COA1: variants seen among roughly 807,000 people sequenced by gnomAD.
The protein encoded by COA1 is cytochrome c oxidase assembly factor 1.
In COA1, 13 loss-of-function variants were observed where a neutral mutation model predicts 16.0. The observed-to-expected ratio is 0.81, with a 90% CI of 0.53 to 1.29. COA1 has a LOEUF of 1.29. Ranked by LOEUF, COA1 falls within the 50% of genes most tolerant of loss-of-function variation. The pLI is 0.00. For synonymous variants in COA1, 65 were observed against 65.7 expected (o/e 0.99, Z 0.05); for missense variants, 179 against 177.0 (o/e 1.01, Z -0.06).
At chr7:43,624,013 T>C (rs2084215046) in intron 6 of COA1, 16 of 630,306 alleles carry the variant, frequency 2.5e-5, no homozygotes, top group Admixed American at 4.0e-5. Context: ...TAAAACACCA[T>C]AATGGAAACA....
intron 1 of COA1, among the ~76,000 whole-genome samples, chr7:43,697,457 C>T (rs995780080): frequency 4.6e-5 from 7 of 151,946 alleles, no homozygotes; most frequent in Admixed American, 4.6e-4. Context: ...CCATTCCCAG[C>T]TAATTTTTGT....
chr7:43,683,598 C>T (rs1009028461), intron 1 of COA1, among the ~76,000 whole-genome samples: 1 of 151,958 alleles, frequency 6.6e-6, no homozygotes, highest in East Asian at 1.9e-4. Context: ...TGCGCCACTG[C>T]ACTCCAGCCT....
At chr7:43,635,445 C>T (rs753683673), downstream of COA1, among the ~76,000 whole-genome samples, 37 of 152,192 alleles carry the variant, frequency 2.4e-4, no homozygotes, top group Middle Eastern at 3.4e-3. Flanking sequence ...GTCAGCTGTC[C>T]GAGCCCCCAA....
chr7:43,721,543 T>G (rs1319494045), intron 1 of COA1, among the ~76,000 whole-genome samples: 1 of 152,160 alleles, frequency 6.6e-6, no homozygotes, highest in Non-Finnish European at 1.5e-5. Context: ...ATTAAATCCC[T>G]AATAAAGAGG....
chr7:43,653,306 C>T (rs1249179662), intron 1 of COA1, among the ~76,000 whole-genome samples: 2 of 148,088 alleles, frequency 1.4e-5, no homozygotes, highest in African/African-American at 4.9e-5. Flanking sequence ...AGCGACACTC[C>T]GTCTCAAACA....
intron 1 of COA1, among the ~76,000 whole-genome samples, chr7:43,662,468 GATCC>G (rs1248644700): frequency 1.3e-5 from 2 of 152,132 alleles, no homozygotes; most frequent in Non-Finnish European, 2.9e-5. Context: ...CTGACCTCGT[GATCC>G]ATCCACCTCA....
rs555876649 is a variant in COA1 at position 43,705,882 on chromosome 7, C to T, written c.-39+23547G>A. On this transcript the variant is annotated intron_variant, in intron 1 of 5. Coordinates refer to ENST00000223336, the MANE Select transcript of COA1 (RefSeq NM_018224.4). ...ATCCCTAGGAGCGACTCAGGGCCAG[C>T]GACAAACCGACAAACCGTGGTGCTT... is the stretch of plus-strand genomic sequence containing the variant. Among the ~76,000 whole-genome samples the T allele has an allele frequency of 1.4e-4, 22 of 152,308 alleles. No homozygotes were observed. The East Asian group carries it at 2.7e-3, about 19-fold the overall frequency.
chr7:43,640,306 T>C (rs374502167), intron 5 of COA1, among the ~76,000 whole-genome samples: 1 of 152,208 alleles, frequency 6.6e-6, no homozygotes, highest in Non-Finnish European at 1.5e-5. Context: ...CAAATTATGA[T>C]AGACCCAGAT....
chr7:43,647,384 G>A (rs1451547886), intron 3 of COA1, 151 bp downstream of exon 3: 7 of 663,300 alleles, frequency 1.1e-5, no homozygotes, highest in Non-Finnish European at 1.9e-5. Flanking sequence ...TACAGAGGAA[G>A]CTATAGCCAA....
intron 1 of COA1, among the ~76,000 whole-genome samples, chr7:43,722,758 A>T (rs2095535807): frequency 6.6e-6 from 1 of 152,224 alleles, no homozygotes; most frequent in African/African-American, 2.4e-5. Context: ...GTGCATAAAC[A>T]GGGAAAGTTG....
intron 6 of COA1, among the ~76,000 whole-genome samples, chr7:43,633,910 A>G (rs1400132649): frequency 6.6e-6 from 1 of 152,002 alleles, no homozygotes; most frequent in Non-Finnish European, 1.5e-5. Flanking sequence ...TACCAATTGC[A>G]GTCTGTTTTC....
At chr7:43,623,354 C>T (rs2084122337) in intron 6 of COA1, 1 of 505,822 alleles carries the variant, frequency 2.0e-6, no homozygotes, top group South Asian at 2.7e-5. Context: ...ATACTAGGGA[C>T]TCAACAATGG....
At chr7:43,726,893 AAAG>A (rs2095627516) in intron 1 of COA1, among the ~76,000 whole-genome samples, 1 of 152,248 alleles carries the variant, frequency 6.6e-6, no homozygotes. Context: ...ACATTTCTCC[AAAG>A]AAGATAAATA....
chr7:43,645,882 A>T (rs2089146663), intron 3 of COA1: 1 of 154,462 alleles, frequency 6.5e-6, no homozygotes, highest in Non-Finnish European at 1.4e-5. Flanking sequence ...AAATAGAAAG[A>T]CCACAACATT....
chr7:43,709,293 T>G (rs150014468), intron 1 of COA1, among the ~76,000 whole-genome samples: 2,103 of 152,300 alleles, frequency 0.014, 38 homozygotes, highest in African/African-American at 0.048. Context: ...CCCAAAGTGC[T>G]GGGATTACAG....
intron 5 of COA1, 55 bp from the exon 6 acceptor site, chr7:43,639,736 CG>C: frequency 7.1e-7 from 1 of 1,416,578 alleles, no homozygotes; most frequent in Non-Finnish European, 9.8e-7. Flanking sequence ...AGGCAACAGC[CG>C]TAGTCAAAAA....
intron 1 of COA1, among the ~76,000 whole-genome samples, chr7:43,711,973 A>G (rs891814974): frequency 6.6e-6 from 1 of 152,154 alleles, no homozygotes; most frequent in East Asian, 1.9e-4. Flanking sequence ...CACTACCCCT[A>G]TTAAAACACG....
chr7:43,628,064 G>A (rs531737536), intron 6 of COA1, among the ~76,000 whole-genome samples: 21 of 152,270 alleles, frequency 1.4e-4, no homozygotes, highest in African/African-American at 5.1e-4. Flanking sequence ...TTGGCTCACT[G>A]CAACCTCCAC....
chr7:43,651,699 A>G (rs1436090190), intron 1 of COA1, among the ~76,000 whole-genome samples: 1 of 151,270 alleles, frequency 6.6e-6, no homozygotes, highest in Non-Finnish European at 1.5e-5. Flanking sequence ...TAAAAAAAAA[A>G]AAAAAAAAAA....
Sources: gnomAD v4.1 joint callset for allele counts (sites outside exome capture counted in the v4.1 genomes callset) on GRCh38, gnomAD v4.1.1 for gene constraint, MANE v1.5 for transcripts, NCBI Gene and HGNC (gene_info 2026-07-23, HGNC 2026-07-21) for gene names.